Variants in CWF19L2 observed in about 807,000 individuals in gnomAD.
The protein encoded by CWF19L2 is CWF19-like protein 2.
A neutral mutation model predicts 111.7 loss-of-function variants in CWF19L2; 98 were observed. The ratio of observed to expected loss-of-function variants is 0.88; its 90% CI spans 0.75 to 1.04. CWF19L2 has a LOEUF of 1.04. CWF19L2 is among the 50% of genes least tolerant of loss of function. The probability of loss-of-function intolerance (pLI) is 0.00; values close to 1 mark genes in which losing one functional copy is unlikely to be tolerated. For synonymous variants in CWF19L2, 351 were observed against 342.9 expected (o/e 1.02, Z -0.26); for missense variants, 1,101 against 1,051.4 (o/e 1.05, Z -0.65).
chr11:107,386,190 T>A (rs1356414110), intron 12 of CWF19L2, among the ~76,000 whole-genome samples: 1 of 152,126 alleles, frequency 6.6e-6, no homozygotes, highest in Non-Finnish European at 1.5e-5. Flanking sequence ...ATTTTTTATT[T>A]TTTGTAGAGA....
intron 3 of CWF19L2, among the ~76,000 whole-genome samples, chr11:107,445,022 TGGGAAG>T (rs1183068890): frequency 6.6e-6 from 1 of 151,866 alleles, no homozygotes; most frequent in Non-Finnish European, 1.5e-5. Flanking sequence ...AACTAAGAAA[TGGGAAG>T]GCATTGGGAG....
chr11:107,352,386 T>C (rs1860168562), intron 13 of CWF19L2, among the ~76,000 whole-genome samples: 1 of 152,172 alleles, frequency 6.6e-6, no homozygotes, highest in African/African-American at 2.4e-5. Flanking sequence ...GGCATATTTA[T>C]ATTTCTAGTA....
chr11:107,341,802 T>C (rs942325945), intron 14 of CWF19L2, among the ~76,000 whole-genome samples: 9 of 152,284 alleles, frequency 5.9e-5, no homozygotes, highest in Admixed American at 2.0e-4. Flanking sequence ...CTGTTTCATA[T>C]TGAGTGTGTT....
At chr11:107,396,338 C>G (rs190282773) in intron 10 of CWF19L2, among the ~76,000 whole-genome samples, 1 of 152,246 alleles carries the variant, frequency 6.6e-6, no homozygotes, top group African/African-American at 2.4e-5. Context: ...CTCTGGAGGA[C>G]TTTTTATTTT....
intron 12 of CWF19L2, among the ~76,000 whole-genome samples, chr11:107,355,503 T>C (rs1368843156): frequency 2.0e-5 from 3 of 151,706 alleles, no homozygotes; most frequent in Non-Finnish European, 4.4e-5. Context: ...AATAAAAAGA[T>C]GCTTGGATGT....
chr11:107,442,722 A>G (rs755237829), intron 4 of CWF19L2, among the ~76,000 whole-genome samples: 10,485 of 112,690 alleles, frequency 0.093, 1,247 homozygotes, highest in Middle Eastern at 0.14. Flanking sequence ...GAGAGAGAGA[A>G]AGAGAAAGAA....
intron 7 of CWF19L2, among the ~76,000 whole-genome samples, chr11:107,432,538 G>A (rs928130969): frequency 8.5e-5 from 13 of 152,280 alleles, no homozygotes; most frequent in Non-Finnish European, 1.6e-4. Context: ...AGCTGAGATC[G>A]TGCCACCGCA....
intron 10 of CWF19L2, chr11:107,403,524 G>T (rs1861036233): frequency 4.9e-6 from 4 of 818,506 alleles, no homozygotes; most frequent in Non-Finnish European, 8.7e-6. Context: ...ACCCCCTCCT[G>T]CCCATTCTCC....
chr11:107,329,943 T>C lies in CWF19L2; in HGVS notation c.2516A>G (p.His839Arg). The change falls in exon 17 of 18, where the codon CAC (histidine) becomes CGC (arginine). Residue 839 changes from histidine (H) to arginine (R), a missense_variant. His to Arg is a conservative substitution (Grantham distance 29). Transcript: ENST00000282251. ...GGFAHVIEDQ[H>R]KFPHYFGKEI... ...CTTTCCAAAGTAATGAGGGAATTTG[T>C]GCTGATCTTCAATGACATGGGCAAA... The C allele has an allele frequency of 6.3e-7, 1 of 1,591,594 alleles. No homozygotes were observed. The highest frequency in any genetic ancestry group is 8.6e-7 in the Non-Finnish European group (1 of 1,169,130).
At chr11:107,363,074 C>T (rs368549869) in intron 12 of CWF19L2, among the ~76,000 whole-genome samples, 8 of 151,652 alleles carry the variant, frequency 5.3e-5, no homozygotes, top group Admixed American at 2.0e-4. Flanking sequence ...AGGGTATCAG[C>T]GATGGAAGAT....
intron 17 of CWF19L2, 100 bp downstream of exon 17, chr11:107,329,818 C>G: frequency 1.3e-6 from 1 of 796,906 alleles, no homozygotes; most frequent in East Asian, 2.8e-5. Context: ...CAGTACTCAC[C>G]AATTTCTTTG....
intron 12 of CWF19L2, among the ~76,000 whole-genome samples, chr11:107,376,432 C>T (rs1860600925): frequency 1.0e-5 from 1 of 99,192 alleles, no homozygotes; most frequent in Non-Finnish European, 1.9e-5. Context: ...AAATGGGCTT[C>T]ATCCCTGGGA....
chr11:107,416,119 A>G (rs1861222800), intron 10 of CWF19L2, 90 bp downstream of exon 10: 1 of 335,392 alleles, frequency 3.0e-6, no homozygotes, highest in Non-Finnish European at 5.2e-6. Context: ...AAAATAAAAT[A>G]AAAAATAAAA....
At chr11:107,387,815 G>A (rs556716384) in intron 12 of CWF19L2, among the ~76,000 whole-genome samples, 9 of 152,212 alleles carry the variant, frequency 5.9e-5, no homozygotes, top group South Asian at 2.1e-4. Context: ...CGACTGGCCC[G>A]CTCCGCTCAC....
chr11:107,457,825 TAAG>T (rs1861878735), upstream of CWF19L2: 1 of 1,548,222 alleles, frequency 6.5e-7, no homozygotes, highest in African/African-American at 1.4e-5. Flanking sequence ...ATCGTAAAGC[TAAG>T]AAGCCGCAAG....
intron 8 of CWF19L2, among the ~76,000 whole-genome samples, chr11:107,428,565 A>G (rs985226326): frequency 4.6e-5 from 7 of 151,018 alleles, no homozygotes; most frequent in Admixed American, 1.3e-4. Context: ...AAGCAGCAAC[A>G]TATTTTGAAC....
chr11:107,339,218 T>A (rs1859970910), intron 14 of CWF19L2, among the ~76,000 whole-genome samples: 1 of 152,232 alleles, frequency 6.6e-6, no homozygotes, highest in Non-Finnish European at 1.5e-5. Context: ...GTGCCCAGTA[T>A]GTTTAACCAT....
intron 12 of CWF19L2, among the ~76,000 whole-genome samples, chr11:107,380,422 C>T (rs1237448826): frequency 6.6e-6 from 1 of 152,088 alleles, no homozygotes; most frequent in Non-Finnish European, 1.5e-5. Flanking sequence ...GCTCAACTGT[C>T]AACAATTTAA....
At chr11:107,391,665 C>A (rs1353501377) in intron 11 of CWF19L2, among the ~76,000 whole-genome samples, 1 of 152,188 alleles carries the variant, frequency 6.6e-6, no homozygotes, top group Non-Finnish European at 1.5e-5. Flanking sequence ...CAAATCAAAT[C>A]TTTCCAATGC....
Sources: allele counts gnomAD v4.1 joint callset (sites outside exome capture counted in the v4.1 genomes callset), GRCh38; gene constraint gnomAD v4.1.1; transcripts MANE v1.5; gene names NCBI Gene and HGNC (gene_info 2026-07-23, HGNC 2026-07-21).